The following AKAP9 variants were observed in gnomAD, a reference collection of about 807,000 sequenced individuals.
AKAP9 encodes A-kinase anchor protein 9.
A neutral mutation model predicts 488.5 loss-of-function variants in AKAP9; 311 were observed. The ratio of observed to expected loss-of-function variants is 0.64; its 90% confidence interval spans 0.58 to 0.70. The LOEUF is 0.70. AKAP9 is among the 30% of genes least tolerant of loss of function. The pLI, the probability that AKAP9 is intolerant of heterozygous loss-of-function variation, is 0.00. For missense variants in AKAP9, 4,215 were observed against 4,374.5 expected, an observed-to-expected ratio of 0.96 and a Z score of 1.03; for synonymous variants, 1,462 against 1,483.5, an observed-to-expected ratio of 0.99 and a Z score of 0.33.
intron 1 of AKAP9, among the ~76,000 whole-genome samples, chr7:91,963,479 T>G (rs947975141): frequency 5.6e-5 from 5 of 89,354 alleles, no homozygotes; most frequent in Non-Finnish European, 1.2e-4. Flanking sequence ...GATAACATAT[T>G]TGTCACACAC....
intron 33 of AKAP9, among the ~76,000 whole-genome samples, chr7:92,084,251 A>G (rs755286567): frequency 6.6e-6 from 1 of 152,180 alleles, no homozygotes; most frequent in Admixed American, 6.5e-5. Context: ...GTTGGTTCCA[A>G]CACTGTGTGC....
intron 16 of AKAP9, among the ~76,000 whole-genome samples, chr7:92,036,151 C>T (rs905353041): frequency 6.6e-6 from 1 of 151,790 alleles, no homozygotes; most frequent in Non-Finnish European, 1.5e-5. Context: ...TATTTTTATG[C>T]CAGAACTTTG....
chr7:91,991,983 A>G (rs2130633319), intron 3 of AKAP9, among the ~76,000 whole-genome samples, 175 bp from the exon 4 acceptor site: 1 of 152,332 alleles, frequency 6.6e-6, no homozygotes, highest in South Asian at 2.1e-4. Flanking sequence ...TTGGCATTTG[A>G]AATGGTCATT....
In AKAP9 at chr7:92,062,336, GAT is replaced by G. The variant is rs758961848; in HGVS notation, c.5831_5832del (p.Ile1944AsnfsTer5). Reference protein sequence around the residue: ...LFERQIQEKTDIIDRLEQELL... With the variant: ...LFERQIQEKTXIIDRLEQELL... ...TGAAAGGCAAATTCAGGAAAAAACT[GAT>G]ATAATAGATCGTCTTGAGCAGGAGT... On this transcript the variant is annotated frameshift_variant, in exon 24 of 50. Transcript: ENST00000356239. LOFTEE classifies it high-confidence loss of function. The G allele has an allele frequency of 6.2e-7, 1 of 1,613,828 alleles. No individual in the cohort carries two copies. Among genetic ancestry groups the G allele is most frequent in the Non-Finnish European group, 8.5e-7 (1 of 1,179,814 alleles).
At chr7:91,941,488 T>C (rs1306688577) in intron 1 of AKAP9, among the ~76,000 whole-genome samples, 3 of 152,216 alleles carry the variant, frequency 2.0e-5, no homozygotes, top group African/African-American at 7.2e-5. Flanking sequence ...AGGAGTTTTC[T>C]GGGTGGTGCA....
rs1158336906 is a variant in AKAP9 at position 92,022,975 on chromosome 7, C to T, written c.4114C>T (p.Leu1372Phe). The T allele has an allele frequency of 3.7e-6, 6 of 1,613,910 alleles. No homozygotes were observed. The South Asian group carries it at 6.6e-5, about 18-fold the overall frequency. Residue 1372 changes from leucine to phenylalanine, a missense_variant, in exon 14 of 50, where the codon CTT (leucine) becomes TTT (phenylalanine). This residue lies in a region of AKAP9 where 2,361 missense variants were observed against 2,430.0 expected (regional missense o/e 0.97). Transcript: ENST00000356239. ...EAEIHCLQKR[L>F]QAVSESTVPP... ...AGAGATCCACTGTTTACAGAAGAGG[C>T]TTCAAGCTGTTAGTGAGTCCACGGT...
In AKAP9 at chr7:92,105,691, G is replaced by A; in HGVS notation, c.11344G>A (p.Val3782Ile). ...AATCTTTTTTAGAATGAAATTTTTGGTTCGACGGTGGCATCGAGTCACAGG... is the reference window on the plus strand; with the variant it reads ...AATCTTTTTTAGAATGAAATTTTTGATTCGACGGTGGCATCGAGTCACAGG... ...SIAISRMKFL[V>I]RRWHRVTGSV... The change falls in exon 47 of 50, where the codon GTT becomes ATT. Residue 3782 changes from valine (V) to isoleucine (I), a missense_variant. By Grantham distance (29) the Val-to-Ile change is conservative. This residue lies in a region of AKAP9 where 253 missense variants were observed against 266.8 expected (regional missense o/e 0.95). Coordinates refer to ENST00000356239, the MANE Select transcript of AKAP9 (RefSeq NM_005751.5). The A allele has an allele frequency of 6.2e-7, 1 of 1,614,080 alleles. No homozygotes were observed. Among genetic ancestry groups the A allele is most frequent in the Non-Finnish European group, 8.5e-7 (1 of 1,179,946 alleles).
At position 92,062,340 on chromosome 7, in the gene AKAP9, T is replaced by C. The variant is rs776612633; in HGVS notation, c.5831T>C (p.Ile1944Thr). 1.2e-5 allele frequency: 19 copies of C among 1,613,780 alleles called. No homozygotes were observed. In the African/African-American group the frequency reaches 1.2e-4, roughly 10 times the overall value. Reference sequence around the variant, plus strand: ...AGGCAAATTCAGGAAAAAACTGATATAATAGATCGTCTTGAGCAGGAGTTG... The same window carrying C: ...AGGCAAATTCAGGAAAAAACTGATACAATAGATCGTCTTGAGCAGGAGTTG... ...FERQIQEKTD[I>T]IDRLEQELLC... Residue 1944 changes from isoleucine to threonine, a missense_variant, in exon 24 of 50, where the codon ATA (isoleucine) becomes ACA (threonine). Transcript: ENST00000356239.
At chr7:92,080,634 T>G (rs1813383179) in intron 31 of AKAP9, among the ~76,000 whole-genome samples, 1 of 151,754 alleles carries the variant, frequency 6.6e-6, no homozygotes, top group Admixed American at 6.6e-5. Context: ...CTAGACAAAC[T>G]AAATTTACGA....
chr7:92,021,551 G>A (rs1243436076), intron 12 of AKAP9, among the ~76,000 whole-genome samples: 7 of 151,994 alleles, frequency 4.6e-5, no homozygotes, highest in African/African-American at 9.7e-5. Context: ...AAATTCACCC[G>A]CCTCAGCCCC....
rs747049411 is a variant in AKAP9, at chr7:92,095,155, G to A, written c.9711G>A (p.Arg3237=). ...EKAKLGRSEE[R]DKEELEDLKF... is the part of the protein sequence containing the mutation. ...CCAAGTTGGGACGCAGTGAAGAACG[G>A]GATAAAGAAGAACTTGAGGTACTGT... Residue 3237 remains arginine, a synonymous_variant, in exon 40 of 50, where the codon CGG becomes CGA. Coordinates refer to ENST00000356239, the MANE Select transcript of AKAP9 (RefSeq NM_005751.5). 6.2e-7 allele frequency: 1 copy of A among 1,614,154 alleles called. No individual in the cohort carries two copies. Among genetic ancestry groups the A allele is most frequent in the African/African-American group, 1.3e-5 (1 of 75,052 alleles).
Position 92,021,968 on chromosome 7 carries a change from G to A in AKAP9, c.3838-270G>A, listed in dbSNP as rs539900592. 4.6e-5 allele frequency among the ~76,000 whole-genome samples: 7 copies of A among 152,254 alleles called. No homozygotes were observed. The South Asian group carries it at 1.0e-3, about 23-fold the overall frequency. ...TATCAGCTTTCTACCAAAATTCTCA[G>A]AAGCACTTGTTTTTGTAGTAAAATG... On this transcript the variant is annotated intron_variant, in intron 12 of 49. Coordinates refer to ENST00000356239, the MANE Select transcript of AKAP9 (RefSeq NM_005751.5).
intron 21 of AKAP9, among the ~76,000 whole-genome samples, chr7:92,047,198 T>C (rs1807148477): frequency 6.6e-6 from 1 of 152,170 alleles, no homozygotes; most frequent in Admixed American, 6.5e-5. Flanking sequence ...ATATCCTATT[T>C]TAAGATACAG....
chr7:92,061,514 T>TC lies in AKAP9; in HGVS notation c.5764+94dup. On this transcript the variant is annotated intron_variant, in intron 23 of 49. Transcript: ENST00000356239. ...CACAGCCAGGTTTGGAAGCCGTCAA[T>TC]CCAATTTAGAATGACCATTAAAAAG... 3 of 1,426,264 alleles carry TC rather than the reference T, an allele frequency of 2.1e-6. No individual in the cohort carries two copies. The Admixed American group carries it at 5.7e-5, about 27-fold the overall frequency. 88.4% of individuals were successfully genotyped at this position (1,426,264 alleles called of 1,614,324 possible).
rs369702920 is a variant in AKAP9 at position 92,079,577 on chromosome 7, T to C, written c.7444T>C (p.Tyr2482His). 33 of 1,613,682 alleles carry C rather than the reference T, an allele frequency of 2.0e-5. No individual in the cohort carries two copies. Among genetic ancestry groups the C allele is most frequent in the Non-Finnish European group, 2.7e-5 (32 of 1,179,992 alleles). Residue 2482 changes from tyrosine (Y) to histidine (H), a missense_variant, in exon 31 of 50, where the codon TAC (tyrosine) becomes CAC (histidine). Around this residue, in one of 5 missense-constraint regions of AKAP9, gnomAD observed 1,476 missense variants for 1,477.4 expected, o/e 1.00. Coordinates refer to ENST00000356239, the MANE Select transcript of AKAP9 (RefSeq NM_005751.5). ...DALKSLENQT[Y>H]FKSFEENGKG... ...TCTTAAATCCCTAGAAAATCAGACA[T>C]ACTTCAAATCTTTTGAAGAAAATGG...
At position 92,100,996 on chromosome 7, in the gene AKAP9, A is replaced by G. The variant is rs746472680; in HGVS notation, c.11037A>G (p.Glu3679=). The G allele has an allele frequency of 4.3e-6, 7 of 1,614,166 alleles. No homozygotes were observed. Among genetic ancestry groups the G allele is most frequent in the Non-Finnish European group, 4.2e-6 (5 of 1,180,036 alleles). The change falls in exon 45 of 50, where the codon GAA becomes GAG. Residue 3679 remains glutamate, a synonymous_variant. Transcript: ENST00000356239. The part of the protein sequence containing the change: ...AEAEVYKLKA[E]LRNDSLLQTL... ...CTGAAGTATACAAACTGAAAGCTGA[A>G]CTAAGAAATGACTCTTTACTTCAAA...
At chr7:91,996,686 G>A (rs918704624) in intron 7 of AKAP9, among the ~76,000 whole-genome samples, 1 of 152,126 alleles carries the variant, frequency 6.6e-6, no homozygotes. Flanking sequence ...ATAAATTTTA[G>A]CAAGAACTCA....
intron 16 of AKAP9, among the ~76,000 whole-genome samples, chr7:92,032,833 A>G (rs904612262): frequency 1.3e-5 from 2 of 152,180 alleles, no homozygotes; most frequent in East Asian, 3.8e-4. Flanking sequence ...TAGCTCTTAC[A>G]CAAATTTATC....
intron 7 of AKAP9, among the ~76,000 whole-genome samples, chr7:91,998,557 ATTG>A (rs1798718444): frequency 6.7e-6 from 1 of 149,724 alleles, no homozygotes; most frequent in Non-Finnish European, 1.5e-5. Context: ...AAGAAGAATT[ATTG>A]TTGGTTGTTA....
Sources: gnomAD v4.1 joint callset for allele counts (sites outside exome capture counted in the v4.1 genomes callset) on GRCh38, gnomAD v4.1.1 for gene constraint, gnomAD v4.1.1 regional missense constraint, MANE v1.5 for transcripts, NCBI Gene and HGNC (gene_info 2026-07-23, HGNC 2026-07-21) for gene names.